Variants in MAML3 observed in about 807,000 individuals in gnomAD.
MAML3 encodes mastermind-like protein 3.
A neutral mutation model predicts 101.9 loss-of-function variants in MAML3; 27 were observed. The observed-to-expected ratio is 0.27, with a 90% CI of 0.20 to 0.37. The LOEUF (loss-of-function observed/expected upper bound fraction) is 0.37, where lower values mean the gene tolerates loss of function less well. MAML3 is among the 10% of genes least tolerant of loss of function. The pLI, the probability that MAML3 is intolerant of heterozygous loss-of-function variation, is 1.00. For missense variants in MAML3, 1,316 were observed against 1,444.9 expected (o/e 0.91, Z 1.45); for synonymous variants, 501 against 555.9 (o/e 0.90, Z 1.39).
chr4:139,930,526 T>C lies in MAML3; in HGVS notation c.469-39559A>G, dbSNP rs546153086. On this transcript the variant is annotated intron_variant, in intron 1 of 4. Transcript: ENST00000509479. ...AAGCTGCCATATTAAGAAACATCTT[T>C]ATAAATTAAAGGAAGCAGGGTTGGC... is the stretch of plus-strand genomic sequence containing the variant. Among the ~76,000 whole-genome samples, 5 of 152,300 alleles carry C rather than the reference T, an allele frequency of 3.3e-5. No homozygotes were observed. The East Asian group carries it at 7.7e-4, about 24-fold the overall frequency.
At chr4:140,133,095 T>G (rs1372791365) in intron 1 of MAML3, 3 of 448,530 alleles carry the variant, frequency 6.7e-6, no homozygotes, top group Non-Finnish European at 1.3e-5. Context: ...AGCCACTATG[T>G]GCTGTTACAT....
rs1560909660 is a variant in MAML3 at position 140,151,192 on chromosome 4, A to AGGAGGAGGAAGGGAGGAGGAAGGGGAGGG, written c.468+1639_468+1667dup. ...GAAGAAGGCGGGCAAGAGTGGCTGG[A>AGGAGGAGGAAGGGAGGAGGAAGGGGAGGG]GGAGGAGGAAGGGAGGAGGAAGGGG... On this transcript the variant is annotated intron_variant, in intron 1 of 4. Coordinates refer to ENST00000509479, the MANE Select transcript of MAML3 (RefSeq NM_018717.5). 5.3e-5 allele frequency among the ~76,000 whole-genome samples: 8 copies of AGGAGGAGGAAGGGAGGAGGAAGGGGAGGG among 150,284 alleles called. No individual in the cohort carries two copies. In the East Asian group the frequency reaches 1.4e-3, roughly 27 times the overall value.
Position 139,889,569 on chromosome 4 carries a change from G to C in MAML3, c.1867C>G (p.Pro623Ala), listed in dbSNP as rs1183059298. The change falls in exon 2 of 5, where the codon CCC becomes GCC. Residue 623 changes from proline (P) to alanine (A), a missense_variant. Pro to Ala is a conservative substitution (Grantham distance 27, BLOSUM62 -1). Transcript: ENST00000509479. ...SQRMTPPVANPNKNPLMPYIQ... is the reference protein window; with the variant it reads ...SQRMTPPVANANKNPLMPYIQ... ...TACGGCATCAAGGGGTTTTTGTTGG[G>C]GTTGGCCACTGGTGGTGTCATCCTC... 1 of 1,613,846 alleles carries C rather than the reference G, an allele frequency of 6.2e-7. No homozygotes were observed. Among genetic ancestry groups the C allele is most frequent in the South Asian group, 1.1e-5 (1 of 91,084 alleles).
intron 2 of MAML3, among the ~76,000 whole-genome samples, chr4:139,777,374 G>A (rs935439712): frequency 3.3e-5 from 5 of 152,112 alleles, no homozygotes; most frequent in African/African-American, 1.2e-4. Flanking sequence ...CAGTCCTTCA[G>A]CAGACCTTGC....
chr4:139,964,593 TA>T (rs1396054567), intron 1 of MAML3, among the ~76,000 whole-genome samples: 1 of 152,182 alleles, frequency 6.6e-6, no homozygotes, highest in Admixed American at 6.5e-5. Context: ...AAAAAAACCA[TA>T]TTTTTTACAA....
intron 1 of MAML3, among the ~76,000 whole-genome samples, chr4:140,109,237 T>TCCTC (rs1225095767): frequency 2.0e-5 from 3 of 152,186 alleles, no homozygotes; most frequent in Admixed American, 6.5e-5. Context: ...GTTGAAGGTA[T>TCCTC]CCTCCTACAT....
At chr4:139,748,811 T>G (rs1256914440) in intron 2 of MAML3, among the ~76,000 whole-genome samples, 1 of 152,158 alleles carries the variant, frequency 6.6e-6, no homozygotes, top group Non-Finnish European at 1.5e-5. Context: ...TGAAAGAAGG[T>G]CTCAGCCTGA....
chr4:139,925,718 T>G (rs1422740936), intron 1 of MAML3, among the ~76,000 whole-genome samples: 3 of 152,230 alleles, frequency 2.0e-5, no homozygotes, highest in Non-Finnish European at 4.4e-5. Context: ...GGTGCCTGTC[T>G]GGTTAAGATC....
chr4:139,772,855 A>G (rs1255523586), intron 2 of MAML3, among the ~76,000 whole-genome samples: 7 of 149,530 alleles, frequency 4.7e-5, no homozygotes, highest in Non-Finnish European at 1.0e-4. Flanking sequence ...CGAGGAGGGC[A>G]GATCACGAAG....
At chr4:140,011,393 G>A (rs1247865815) in intron 1 of MAML3, among the ~76,000 whole-genome samples, 4 of 127,546 alleles carry the variant, frequency 3.1e-5, no homozygotes, top group Non-Finnish European at 6.5e-5. Flanking sequence ...GCCGGACTGC[G>A]GACTGCAGTG....
chr4:140,118,168 T>G lies in MAML3; in HGVS notation c.468+34692A>C, dbSNP rs766836851. Among the ~76,000 whole-genome samples the G allele has an allele frequency of 5.3e-5, 8 of 151,868 alleles. No homozygotes were observed. The East Asian group carries it at 7.7e-4, about 15-fold the overall frequency. On this transcript the variant is annotated intron_variant, in intron 1 of 4. Coordinates refer to ENST00000509479, the MANE Select transcript of MAML3 (RefSeq NM_018717.5). Reference sequence around the variant, plus strand: ...GGTTAAAATATTTGTGGGTTTGTTTTTTTTTTTTCCCTACCGTGTTCAATC... The same window carrying G: ...GGTTAAAATATTTGTGGGTTTGTTTGTTTTTTTTCCCTACCGTGTTCAATC...
At chr4:139,831,109 G>A (rs1731157083) in intron 2 of MAML3, among the ~76,000 whole-genome samples, 2 of 152,104 alleles carry the variant, frequency 1.3e-5, no homozygotes, top group Non-Finnish European at 2.9e-5. Context: ...AATAGAAGAG[G>A]TTTCAACTTT....
At position 140,011,028 on chromosome 4, in the gene MAML3, C is replaced by T. The variant is rs576880658; in HGVS notation, c.469-120061G>A. ...AGGAGAATTGCTTGAACCCAGGAGGCGGAGGTAGCAGTGATCCAAGATTGC... is the reference window on the plus strand; with the variant it reads ...AGGAGAATTGCTTGAACCCAGGAGGTGGAGGTAGCAGTGATCCAAGATTGC... On this transcript the variant is annotated intron_variant, in intron 1 of 4. Coordinates refer to ENST00000509479, the MANE Select transcript of MAML3 (RefSeq NM_018717.5). Among the ~76,000 whole-genome samples the T allele has an allele frequency of 5.4e-5, 8 of 147,838 alleles. 1 individual carries two copies. The highest frequency in any genetic ancestry group is 2.0e-4 in the East Asian group (1 of 4,948).
chr4:139,950,263 A>G (rs1451393419), intron 1 of MAML3, among the ~76,000 whole-genome samples: 1 of 152,016 alleles, frequency 6.6e-6, no homozygotes, highest in African/African-American at 2.4e-5. Context: ...GCTGGTCTCA[A>G]ACTCCTGACC....
At chr4:139,912,935 A>G (rs1014531666) in intron 1 of MAML3, among the ~76,000 whole-genome samples, 13 of 151,140 alleles carry the variant, frequency 8.6e-5, no homozygotes, top group African/African-American at 3.2e-4. Flanking sequence ...TGGCAGCCCT[A>G]GGAACTAATA....
At chr4:139,971,894 C>A (rs1022946800) in intron 1 of MAML3, among the ~76,000 whole-genome samples, 1 of 152,154 alleles carries the variant, frequency 6.6e-6, no homozygotes, top group Non-Finnish European at 1.5e-5. Flanking sequence ...TTGGGAGGAT[C>A]AGCAGTGGGC....
intron 2 of MAML3, among the ~76,000 whole-genome samples, chr4:139,857,988 C>T (rs1731695867): frequency 6.6e-6 from 1 of 152,134 alleles, no homozygotes; most frequent in South Asian, 2.1e-4. Flanking sequence ...AGTGGACCAC[C>T]CCACCTTAAT....
intron 1 of MAML3, among the ~76,000 whole-genome samples, chr4:140,098,765 G>A (rs1445972460): frequency 6.6e-6 from 1 of 152,230 alleles, no homozygotes; most frequent in Non-Finnish European, 1.5e-5. Context: ...GCAGAGCCCT[G>A]GAGCCACCCA....
At chr4:140,151,522 C>T (rs750496140) in intron 1 of MAML3, among the ~76,000 whole-genome samples, 6 of 152,138 alleles carry the variant, frequency 3.9e-5, no homozygotes, top group Non-Finnish European at 5.9e-5. Flanking sequence ...GACTCACAGA[C>T]CGGGAACGTG....
Sources: allele counts gnomAD v4.1 joint callset (sites outside exome capture counted in the v4.1 genomes callset), GRCh38; gene constraint gnomAD v4.1.1; transcripts MANE v1.5; gene names NCBI Gene and HGNC (gene_info 2026-07-23, HGNC 2026-07-21).